NRCAM: variants seen among roughly 807,000 people sequenced by gnomAD.
NRCAM encodes the protein neuronal cell adhesion molecule, also known as NgCAM-related cell adhesion molecule.
A neutral mutation model predicts 156.5 loss-of-function variants in NRCAM; 83 were observed. The observed-to-expected ratio is 0.53, with a 90% CI of 0.44 to 0.64. The LOEUF is 0.64. NRCAM is among the 30% of genes least tolerant of loss of function. The pLI, the probability that NRCAM is intolerant of heterozygous loss-of-function variation, is 0.00. For missense variants in NRCAM, 1,417 were observed against 1,597.3 expected (o/e 0.89, Z 1.92); for synonymous variants, 538 against 563.9 (o/e 0.95, Z 0.65).
rs568446075 is a variant in NRCAM, at chr7:108,212,784, C to T, written c.891-3179G>A. On this transcript the variant is annotated intron_variant, in intron 11 of 32. Coordinates refer to ENST00000379028, the MANE Select transcript of NRCAM (RefSeq NM_001037132.4). ...ACCAAACCTAAGAATACTCAGTGTT[C>T]CTGAGGAATAAGAGAAATCTAAAAG... 2.6e-5 allele frequency among the ~76,000 whole-genome samples: 4 copies of T among 152,200 alleles called. No individual in the cohort carries two copies. In the South Asian group the frequency reaches 8.3e-4, roughly 32 times the overall value.
chr7:108,388,483 C>A (rs377449013), intron 2 of NRCAM, among the ~76,000 whole-genome samples: 2 of 152,224 alleles, frequency 1.3e-5, no homozygotes, highest in Admixed American at 6.5e-5. Context: ...GGGTAGATTG[C>A]AAAAATTTTC....
At chr7:108,215,976 G>A (rs191366496) in intron 11 of NRCAM, among the ~76,000 whole-genome samples, 95 of 152,136 alleles carry the variant, frequency 6.2e-4, no homozygotes, top group South Asian at 1.9e-3. Context: ...GTTATTCTGC[G>A]CGTTAGTTGA....
chr7:108,223,981 T>C (rs894028406), intron 10 of NRCAM, 145 bp from the exon 11 acceptor site: 1 of 569,344 alleles, frequency 1.8e-6, no homozygotes, highest in South Asian at 2.2e-5. Context: ...TACATACACA[T>C]ACACACTCTC....
chr7:108,345,647 T>A (rs1356217263), intron 2 of NRCAM, among the ~76,000 whole-genome samples: 1 of 152,044 alleles, frequency 6.6e-6, no homozygotes, highest in Non-Finnish European at 1.5e-5. Flanking sequence ...AGAGGTGAGC[T>A]CTCCACCATA....
intron 13 of NRCAM, among the ~76,000 whole-genome samples, chr7:108,202,255 G>A (rs540865856): frequency 1.3e-5 from 2 of 152,116 alleles, no homozygotes; most frequent in Non-Finnish European, 2.9e-5. Flanking sequence ...TCCTGATGTT[G>A]GTAGGTAAAA....
chr7:108,422,849 G>A (rs1811972579), intron 1 of NRCAM, among the ~76,000 whole-genome samples: 1 of 152,160 alleles, frequency 6.6e-6, no homozygotes, highest in African/African-American at 2.4e-5. Flanking sequence ...ACGTTCTGTA[G>A]TGAAAGAGTT....
At chr7:108,255,829 G>A (rs1194689808) in intron 3 of NRCAM, among the ~76,000 whole-genome samples, 2 of 151,314 alleles carry the variant, frequency 1.3e-5, no homozygotes, top group African/African-American at 2.4e-5. Flanking sequence ...CCCCCTCTGA[G>A]AAGTGAGGAG....
At chr7:108,300,866 T>A (rs1374869197) in intron 3 of NRCAM, among the ~76,000 whole-genome samples, 1 of 152,168 alleles carries the variant, frequency 6.6e-6, no homozygotes, top group Admixed American at 6.5e-5. Flanking sequence ...GAAAGCTTTT[T>A]AAAAAAATTA....
At chr7:108,186,861 C>A (rs187877796) in intron 20 of NRCAM, among the ~76,000 whole-genome samples, 2 of 152,278 alleles carry the variant, frequency 1.3e-5, no homozygotes, top group East Asian at 3.9e-4. Context: ...CACTGATTTC[C>A]ATGTGGCACT....
chr7:108,333,365 A>G (rs1451439180), intron 2 of NRCAM, among the ~76,000 whole-genome samples: 1 of 152,214 alleles, frequency 6.6e-6, no homozygotes, highest in African/African-American at 2.4e-5. Context: ...TATTTTTTAA[A>G]TAACTTCACT....
intron 22 of NRCAM, 76 bp downstream of exon 22, chr7:108,184,165 A>T: frequency 9.7e-7 from 1 of 1,035,156 alleles, no homozygotes; most frequent in Non-Finnish European, 1.5e-6. Flanking sequence ...TGAGATTCTA[A>T]TGTAGATATT....
intron 2 of NRCAM, among the ~76,000 whole-genome samples, chr7:108,330,767 T>A (rs1253301260): frequency 6.6e-6 from 1 of 152,110 alleles, no homozygotes; most frequent in Non-Finnish European, 1.5e-5. Flanking sequence ...CAAAATGTAA[T>A]TTGGGGTATC....
intron 1 of NRCAM, among the ~76,000 whole-genome samples, chr7:108,428,222 TAC>T (rs1379012243): frequency 6.6e-6 from 1 of 152,232 alleles, no homozygotes; most frequent in Non-Finnish European, 1.5e-5. Flanking sequence ...ATAGGTTTTC[TAC>T]ACACTGTTGA....
intron 30 of NRCAM, among the ~76,000 whole-genome samples, 190 bp downstream of exon 30, chr7:108,166,731 C>A (rs1347186481): frequency 1.3e-5 from 2 of 152,078 alleles, no homozygotes; most frequent in Non-Finnish European, 2.9e-5. Context: ...AGATGATTTG[C>A]TAAATTCCGT....
intron 1 of NRCAM, among the ~76,000 whole-genome samples, chr7:108,421,594 T>C (rs1423089140): frequency 1.3e-5 from 2 of 152,196 alleles, no homozygotes; most frequent in Non-Finnish European, 2.9e-5. Context: ...ATAAGATTAC[T>C]TGAAGAAAAA....
intron 2 of NRCAM, among the ~76,000 whole-genome samples, chr7:108,376,947 T>C (rs1436383054): frequency 2.0e-5 from 3 of 152,150 alleles, no homozygotes; most frequent in East Asian, 3.8e-4. Context: ...GGCAGATTAC[T>C]TGAGCCCAGG....
intron 1 of NRCAM, among the ~76,000 whole-genome samples, chr7:108,418,560 TAC>T (rs59582056): frequency 0.24 from 34,932 of 143,466 alleles, 4,309 homozygotes; most frequent in East Asian, 0.45. Context: ...ATACATATTA[TAC>T]ACACACACAC....
At chr7:108,347,008 A>G (rs902506457) in intron 2 of NRCAM, among the ~76,000 whole-genome samples, 11 of 148,620 alleles carry the variant, frequency 7.4e-5, no homozygotes, top group Non-Finnish European at 1.2e-4. Context: ...TTAAAATTAC[A>G]TATGTGACTC....
chr7:108,180,979 A>C (rs1340933933), intron 24 of NRCAM, among the ~76,000 whole-genome samples: 1 of 152,138 alleles, frequency 6.6e-6, no homozygotes, highest in African/African-American at 2.4e-5. Flanking sequence ...AAAGTCTAGA[A>C]TTTTTCCACT....
Sources: gnomAD v4.1 joint callset for allele counts (sites outside exome capture counted in the v4.1 genomes callset) on GRCh38, gnomAD v4.1.1 for gene constraint, MANE v1.5 for transcripts, NCBI Gene and HGNC (gene_info 2026-07-23, HGNC 2026-07-21) for gene names.